Variants in L2HGDH observed in about 807,000 individuals in gnomAD.
L2HGDH encodes L-2-hydroxyglutarate dehydrogenase, mitochondrial.
L2HGDH carries 34 observed loss-of-function variants against 51.5 expected under a neutral mutation model. The observed-to-expected ratio is 0.66, with a 90% CI of 0.50 to 0.88. The LOEUF (loss-of-function observed/expected upper bound fraction) is 0.88. L2HGDH is among the 40% of genes least tolerant of loss of function. The pLI is 0.00. For synonymous variants in L2HGDH, 198 were observed against 197.9 expected (o/e 1.00, Z -0.01); for missense variants, 558 against 571.9 (o/e 0.98, Z 0.25).
intron 4 of L2HGDH, among the ~76,000 whole-genome samples, chr14:50,291,068 T>C (rs1294899986): frequency 2.0e-5 from 3 of 150,818 alleles, no homozygotes; most frequent in Non-Finnish European, 4.4e-5. Context: ...CATGGTGACA[T>C]GTGCCTGTAA....
At chr14:50,266,641 T>C (rs551617172) in intron 8 of L2HGDH, among the ~76,000 whole-genome samples, 2 of 152,196 alleles carry the variant, frequency 1.3e-5, no homozygotes, top group African/African-American at 4.8e-5. Context: ...AAAAAAACTT[T>C]AGTTGTGATT....
Position 50,294,199 on chromosome 14 carries a change from T to C in L2HGDH, c.456A>G (p.Leu152=), listed in dbSNP as rs1409566292. 8.1e-6 allele frequency: 13 copies of C among 1,613,338 alleles called. No homozygotes were observed. The highest frequency in any genetic ancestry group is 1.3e-5 in the African/African-American group (1 of 74,882). ...EQEEIPRLQA[L]YEKGLQNGVP... is the part of the protein sequence containing the mutation. ...CACCATTCTGGAGGCCTTTCTCATA[T>C]AGGGCCTGAAGTCTGGGAATTTCTT... Residue 152 remains leucine, a synonymous_variant, in exon 4 of 10, where the codon CTA becomes CTG. Coordinates refer to ENST00000267436, the MANE Select transcript of L2HGDH (RefSeq NM_024884.3).
At chr14:50,273,621 C>A (rs752345393) in intron 6 of L2HGDH, among the ~76,000 whole-genome samples, 11 of 151,910 alleles carry the variant, frequency 7.2e-5, no homozygotes, top group South Asian at 2.1e-4. Flanking sequence ...GGGACTATAT[C>A]AAACTAAAAA....
chr14:50,297,409 T>C (rs1477310938), intron 3 of L2HGDH, among the ~76,000 whole-genome samples: 3 of 151,586 alleles, frequency 2.0e-5, no homozygotes, highest in African/African-American at 7.3e-5. Context: ...TAGAACAAAA[T>C]GAGTTCAGAA....
intron 3 of L2HGDH, among the ~76,000 whole-genome samples, chr14:50,299,302 T>C (rs2030266280): frequency 6.6e-6 from 1 of 151,972 alleles, no homozygotes; most frequent in African/African-American, 2.4e-5. Context: ...AACAAACCAA[T>C]AAAAGGCAAT....
At chr14:50,275,696 G>C (rs901383348) in intron 6 of L2HGDH, among the ~76,000 whole-genome samples, 3 of 152,192 alleles carry the variant, frequency 2.0e-5, no homozygotes, top group African/African-American at 7.2e-5. Flanking sequence ...TCCTTGCAGG[G>C]CTGGGGCAAT....
Position 50,265,432 on chromosome 14 carries a change from T to C in L2HGDH, c.1122A>G (p.Lys374=), listed in dbSNP as rs753744256. The C allele has an allele frequency of 6.2e-7, 1 of 1,612,908 alleles. No individual in the cohort carries two copies. Among genetic ancestry groups the C allele is most frequent in the South Asian group, 1.1e-5 (1 of 91,054 alleles). The change falls in exon 9 of 10, where the codon AAA becomes AAG. Residue 374 remains lysine, a synonymous_variant. Coordinates refer to ENST00000267436, the MANE Select transcript of L2HGDH (RefSeq NM_024884.3). Reference sequence around the variant, plus strand: ...TCACTGTTGCACCAAGAAAACATGCTTTATACATTTCAGTAACTCCATAGG... The same window carrying C: ...TCACTGTTGCACCAAGAAAACATGCCTTATACATTTCAGTAACTCCATAGG... ...NFSYGVTEMY[K]ACFLGATVKY...
At chr14:50,283,564 AC>A (rs1890394147) in intron 5 of L2HGDH, among the ~76,000 whole-genome samples, 1 of 152,184 alleles carries the variant, frequency 6.6e-6, no homozygotes, top group Non-Finnish European at 1.5e-5. Context: ...CAGGAACCCC[AC>A]AAATACCAAA....
In L2HGDH at chr14:50,289,526, G is replaced by A. The variant is rs990548054; in HGVS notation, c.540+4589C>T. Among the ~76,000 whole-genome samples the A allele has an allele frequency of 3.3e-5, 5 of 152,250 alleles. No homozygotes were observed. The East Asian group carries it at 9.6e-4, about 29-fold the overall frequency. On this transcript the variant is annotated intron_variant, in intron 4 of 9. Transcript: ENST00000267436. ...TTATTAGAAATTCATGATTCAGGGA[G>A]CACCTCATTCATAGATTTAGAAAGA...
chr14:50,273,030 T>C lies in L2HGDH; in HGVS notation c.739-3700A>G, dbSNP rs185573149. On this transcript the variant is annotated intron_variant, in intron 6 of 9. Coordinates refer to ENST00000267436, the MANE Select transcript of L2HGDH (RefSeq NM_024884.3). Reference sequence around the variant, plus strand: ...TTCTCAGTGGGCAGACCTCTGAACATCACACCTAGCTGTTCATCTTACTTT... The same window carrying C: ...TTCTCAGTGGGCAGACCTCTGAACACCACACCTAGCTGTTCATCTTACTTT... Among the ~76,000 whole-genome samples the C allele has an allele frequency of 1.2e-4, 19 of 152,226 alleles. No individual in the cohort carries two copies. The East Asian group carries it at 3.5e-3, about 28-fold the overall frequency.
intron 5 of L2HGDH, among the ~76,000 whole-genome samples, chr14:50,279,591 G>C (rs1280932701): frequency 6.6e-6 from 1 of 152,130 alleles, no homozygotes; most frequent in Middle Eastern, 3.4e-3. Flanking sequence ...TGTAATCCCA[G>C]CATTTTGGGA....
intron 7 of L2HGDH, 135 bp downstream of exon 7, chr14:50,269,028 G>T: frequency 2.9e-6 from 2 of 686,834 alleles, no homozygotes; most frequent in Non-Finnish European, 5.2e-6. Flanking sequence ...AACCACAAGA[G>T]AAACCGATGA....
chr14:50,257,681 A>C (rs1039648340), intron 9 of L2HGDH, among the ~76,000 whole-genome samples: 1 of 152,056 alleles, frequency 6.6e-6, no homozygotes, highest in African/African-American at 2.4e-5. Flanking sequence ...TGAGTTTTAA[A>C]ATTTAAAAAC....
chr14:50,255,021 C>A (rs2139941829), intron 9 of L2HGDH, among the ~76,000 whole-genome samples: 1 of 152,170 alleles, frequency 6.6e-6, no homozygotes, highest in Non-Finnish European at 1.5e-5. Context: ...GCACTCCAGC[C>A]TGGGTGACAG....
intron 1 of L2HGDH, 88 bp downstream of exon 1, chr14:50,311,923 G>A: frequency 3.3e-6 from 5 of 1,513,366 alleles, no homozygotes; most frequent in Non-Finnish European, 4.4e-6. Context: ...CCGGGACAGG[G>A]AAATACGAAC....
intron 6 of L2HGDH, among the ~76,000 whole-genome samples, chr14:50,274,745 A>G (rs184884434): frequency 5.3e-5 from 8 of 152,340 alleles, no homozygotes; most frequent in Non-Finnish European, 7.4e-5. Flanking sequence ...AGATGAATGG[A>G]TAAAGAAAAT....
chr14:50,287,247 T>C, intron 4 of L2HGDH: 1 of 984,918 alleles, frequency 1.0e-6, no homozygotes, highest in Non-Finnish European at 1.2e-6. Flanking sequence ...TTTTACAACA[T>C]CTGAAAAGTT....
chr14:50,243,189 T>A lies in L2HGDH; in HGVS notation c.*3869A>T. Reference sequence around the variant, plus strand: ...GGAAGGACTTTGATATACACATATATGTATGGATAAAAGAGTTAAGCTACG... The same window carrying A: ...GGAAGGACTTTGATATACACATATAAGTATGGATAAAAGAGTTAAGCTACG... On this transcript the variant is annotated 3_prime_UTR_variant, in exon 10 of 10. Coordinates refer to ENST00000267436, the MANE Select transcript of L2HGDH (RefSeq NM_024884.3). The A allele has an allele frequency of 1.0e-6, 1 of 985,370 alleles. No homozygotes were observed. Among genetic ancestry groups the A allele is most frequent in the Non-Finnish European group, 1.2e-6 (1 of 829,882 alleles). 61.0% of individuals were successfully genotyped at this position (985,370 alleles called of 1,614,324 possible).
rs35766836 is a variant in L2HGDH, at chr14:50,277,207, G to GTTT, written c.738+1310_738+1312dup. On this transcript the variant is annotated intron_variant, in intron 6 of 9. Transcript: ENST00000267436. ...GGATAAAGTAGACTGTTTTTTTTTT[G>GTTT]TTTTTTTTTTTGAGAGTTAGTTAGC... Among the ~76,000 whole-genome samples the GTTT allele has an allele frequency of 4.9e-5, 7 of 144,024 alleles. No individual in the cohort carries two copies. In the East Asian group the frequency reaches 6.0e-4, roughly 12 times the overall value. 94.5% of individuals were successfully genotyped at this position (144,024 alleles called of 152,430 possible).
Sources: gnomAD v4.1 joint callset for allele counts (sites outside exome capture counted in the v4.1 genomes callset) on GRCh38, gnomAD v4.1.1 for gene constraint, MANE v1.5 for transcripts, NCBI Gene and HGNC (gene_info 2026-07-23, HGNC 2026-07-21) for gene names.